The following TTC7B variants were observed in gnomAD, a reference collection of about 807,000 sequenced individuals.
TTC7B encodes the protein tetratricopeptide repeat domain 7B, also known as tetratricopeptide repeat protein 7B.
A neutral mutation model predicts 106.8 loss-of-function variants in TTC7B; 28 were observed. That is an observed-to-expected ratio of 0.26 (90% CI 0.19 to 0.36). TTC7B has a LOEUF of 0.36. Among genes scored for constraint, TTC7B ranks in the 10% least tolerant of loss-of-function variants. The pLI is 1.00. For missense variants in TTC7B, 862 were observed against 1,076.4 expected (o/e 0.80, Z 2.79); for synonymous variants, 405 against 430.6 (o/e 0.94, Z 0.74).
chr14:90,573,372 C>G (rs926540091), intron 19 of TTC7B, among the ~76,000 whole-genome samples: 1 of 147,762 alleles, frequency 6.8e-6, no homozygotes, highest in Non-Finnish European at 1.5e-5. Flanking sequence ...CACGGTCCCT[C>G]TCAGCTCACG....
At chr14:90,591,097 T>G (rs763873528) in intron 18 of TTC7B, among the ~76,000 whole-genome samples, 1 of 152,182 alleles carries the variant, frequency 6.6e-6, no homozygotes, top group African/African-American at 2.4e-5. Context: ...CCTAGCACTT[T>G]AGGAGGCTGA....
chr14:90,785,074 C>G (rs554063592), intron 2 of TTC7B, among the ~76,000 whole-genome samples: 1 of 152,088 alleles, frequency 6.6e-6, no homozygotes, highest in Non-Finnish European at 1.5e-5. Flanking sequence ...ATGCAGGAGC[C>G]GGGAAGGTCC....
rs989548605 is a variant in TTC7B, at chr14:90,536,953, G to C, written c.*4415C>G. Reference sequence around the variant, plus strand: ...CAGAGTCCTTAGAGGGAGGCAGGAGGTCAAAGGCAGAAAGGTGACGCAGTG... The same window carrying C: ...CAGAGTCCTTAGAGGGAGGCAGGAGCTCAAAGGCAGAAAGGTGACGCAGTG... On this transcript the variant is annotated 3_prime_UTR_variant, in exon 20 of 20. Transcript: ENST00000328459. The C allele has an allele frequency of 6.6e-6, 1 of 152,584 alleles. No homozygotes were observed. The highest frequency in any genetic ancestry group is 2.4e-5 in the African/African-American group (1 of 41,466). 9.5% of individuals were successfully genotyped at this position (152,584 alleles called of 1,614,324 possible). A position where few individuals can be genotyped will look rare whatever the true frequency, so the allele number is the denominator to read the frequency against.
Position 90,646,959 on chromosome 14 carries a change from A to C in TTC7B, c.1582T>G (p.Ser528Ala), listed in dbSNP as rs760967115. The C allele has an allele frequency of 6.2e-7, 1 of 1,614,050 alleles. No individual in the cohort carries two copies. The highest frequency in any genetic ancestry group is 8.5e-7 in the Non-Finnish European group (1 of 1,179,884). The change falls in exon 14 of 20, where the codon TCC (serine) becomes GCC (alanine). Residue 528 changes from serine to alanine, a missense_variant. Coordinates refer to ENST00000328459, the MANE Select transcript of TTC7B (RefSeq NM_001010854.2). ...AFYLALQLAISRQIPEALGYV... is the reference protein window; with the variant it reads ...AFYLALQLAIARQIPEALGYV... ...ACATTAGAGAAACTGACCTGTCTGG[A>C]GATGGCAAGCTGCAGAGCCAGGTAG...
At chr14:90,681,692 T>C (rs1488559112) in intron 7 of TTC7B, among the ~76,000 whole-genome samples, 1 of 152,190 alleles carries the variant, frequency 6.6e-6, no homozygotes, top group Non-Finnish European at 1.5e-5. Flanking sequence ...TAAAATTTTA[T>C]GAAAAGGCTG....
Position 90,578,170 on chromosome 14 carries a change from G to T in TTC7B, c.2246C>A (p.Ala749Glu). Reference sequence around the variant, plus strand: ...TAAGGCCTCTTCATACCACCGCCGCGCCTCGTCCATGCTTCCCCGGAGCTC... The same window carrying T: ...TAAGGCCTCTTCATACCACCGCCGCTCCTCGTCCATGCTTCCCCGGAGCTC... ...IAELRGSMDE[A>E]RRWYEEALAI... is the part of the protein sequence containing the mutation. The change falls in exon 19 of 20, where the codon GCG (alanine) becomes GAG (glutamate). Residue 749 changes from alanine to glutamate, a missense_variant. By Grantham distance (107) the Ala-to-Glu change is moderately radical (BLOSUM62 -1). Transcript: ENST00000328459. This position sits in a 1 kb window ranked among gnomAD's most constrained non-coding sequence, Gnocchi z 4.7. 6.2e-7 allele frequency: 1 copy of T among 1,613,734 alleles called. No individual in the cohort carries two copies. The highest frequency in any genetic ancestry group is 1.3e-5 in the African/African-American group (1 of 75,074).
chr14:90,580,156 C>A (rs984045367), intron 18 of TTC7B, among the ~76,000 whole-genome samples: 1 of 152,246 alleles, frequency 6.6e-6, no homozygotes, highest in African/African-American at 2.4e-5. Context: ...GGGATGGTGT[C>A]TGTGCTGCTC....
intron 9 of TTC7B, among the ~76,000 whole-genome samples, chr14:90,672,182 C>T (rs1393812089): frequency 1.3e-5 from 2 of 152,196 alleles, no homozygotes; most frequent in Non-Finnish European, 2.9e-5. Context: ...GGAAGGAAAG[C>T]ACAAGGACAG....
At chr14:90,796,441 G>C (rs1224662696) in intron 1 of TTC7B, among the ~76,000 whole-genome samples, 2 of 152,182 alleles carry the variant, frequency 1.3e-5, no homozygotes, top group Non-Finnish European at 2.9e-5. Context: ...CAGCACAACA[G>C]AGCCAGTCCC....
At chr14:90,777,330 C>T (rs1207024489) in intron 3 of TTC7B, among the ~76,000 whole-genome samples, 1 of 152,100 alleles carries the variant, frequency 6.6e-6, no homozygotes, top group Non-Finnish European at 1.5e-5. Flanking sequence ...TACACCGTGG[C>T]CACTGCTACG....
rs537619025 is a variant in TTC7B at position 90,671,454 on chromosome 14, A to G, written c.1152+5069T>C. 1.2e-4 allele frequency among the ~76,000 whole-genome samples: 18 copies of G among 152,352 alleles called. No homozygotes were observed. In the East Asian group the frequency reaches 3.5e-3, roughly 29 times the overall value. On this transcript the variant is annotated intron_variant, in intron 9 of 19. Transcript: ENST00000328459. ...AAAAGGACCCCATAATATCCTGTCG[A>G]AATGGAGCCATTAATAGTCAAATTC...
intron 17 of TTC7B, among the ~76,000 whole-genome samples, chr14:90,604,726 C>T (rs751626111): frequency 2.8e-4 from 43 of 152,264 alleles, no homozygotes; most frequent in African/African-American, 1.0e-3. Context: ...CAAGGATGGG[C>T]TCCCCGGGTC....
intron 8 of TTC7B, among the ~76,000 whole-genome samples, chr14:90,677,016 C>T (rs1012732905): frequency 6.6e-6 from 1 of 152,172 alleles, no homozygotes; most frequent in African/African-American, 2.4e-5. Context: ...GCCGAATCAT[C>T]CATCAAGTGA....
intron 7 of TTC7B, among the ~76,000 whole-genome samples, chr14:90,684,492 C>T (rs986518782): frequency 6.6e-6 from 1 of 152,056 alleles, no homozygotes; most frequent in Non-Finnish European, 1.5e-5. Context: ...ACTCACAACA[C>T]AAGCAGAATG....
Position 90,535,990 on chromosome 14 carries a change from T to C in TTC7B, c.*5378A>G, listed in dbSNP as rs549594932. The C allele has an allele frequency of 2.8e-4, 43 of 153,574 alleles. No individual in the cohort carries two copies. Among genetic ancestry groups the C allele is most frequent in the Admixed American group, 7.8e-4 (12 of 15,308 alleles). 9.5% of individuals were successfully genotyped at this position (153,574 alleles called of 1,614,324 possible). A position where few individuals can be genotyped will look rare whatever the true frequency, so the allele number is the denominator to read the frequency against. ...ACCTCACTTCACCTGAATTACTTCC[T>C]TAAGGGGCCTATCTCCAAATATAGT... On this transcript the variant is annotated 3_prime_UTR_variant, in exon 20 of 20. Coordinates refer to ENST00000328459, the MANE Select transcript of TTC7B (RefSeq NM_001010854.2).
At chr14:90,618,479 C>T (rs909292537) in intron 15 of TTC7B, among the ~76,000 whole-genome samples, 8 of 152,180 alleles carry the variant, frequency 5.3e-5, no homozygotes, top group East Asian at 1.9e-4. Context: ...TGATGCTCAC[C>T]GTCGTGTGAG....
intron 9 of TTC7B, among the ~76,000 whole-genome samples, chr14:90,666,714 A>T (rs901430628): frequency 1.3e-5 from 2 of 152,170 alleles, no homozygotes; most frequent in African/African-American, 4.8e-5. Context: ...TTTTGCTTTA[A>T]AACAGCAATA....
At chr14:90,555,983 G>T (rs574598105) in intron 19 of TTC7B, among the ~76,000 whole-genome samples, 1 of 152,234 alleles carries the variant, frequency 6.6e-6, no homozygotes, top group Non-Finnish European at 1.5e-5. Context: ...GCTCCCTGCC[G>T]GCTGCAGCCT....
chr14:90,741,464 A>G (rs1008045976), intron 4 of TTC7B, among the ~76,000 whole-genome samples: 12 of 152,146 alleles, frequency 7.9e-5, no homozygotes, highest in African/African-American at 2.7e-4. Context: ...CGGGGAAGTG[A>G]CAGGGCACCA....
Sources: allele counts gnomAD v4.1 joint callset (sites outside exome capture counted in the v4.1 genomes callset), GRCh38; gene constraint gnomAD v4.1.1; non-coding constraint Gnocchi (gnomAD v3.1); transcripts MANE v1.5; gene names NCBI Gene and HGNC (gene_info 2026-07-23, HGNC 2026-07-21).